The following GRM4 variants were observed in gnomAD, a reference collection of about 807,000 sequenced individuals.
GRM4 encodes metabotropic glutamate receptor 4.
A neutral mutation model predicts 81.7 loss-of-function variants in GRM4; 28 were observed. That is an observed-to-expected ratio of 0.34 (90% CI 0.25 to 0.47). The LOEUF is 0.47. GRM4 is among the 20% of genes least tolerant of loss of function. GRM4 has a pLI of 1.00. For synonymous variants in GRM4, 488 were observed against 528.8 expected (o/e 0.92, Z 1.06); for missense variants, 948 against 1,290.0 (o/e 0.73, Z 4.06).
intron 2 of GRM4, among the ~76,000 whole-genome samples, chr6:34,110,403 T>C (rs965646549): frequency 6.0e-5 from 9 of 150,806 alleles, no homozygotes; most frequent in South Asian, 2.1e-4. Flanking sequence ...CTGCCTCACT[T>C]ACCTCTGCAC....
intron 1 of GRM4, among the ~76,000 whole-genome samples, chr6:34,138,051 T>C (rs1446752966): frequency 6.6e-6 from 1 of 152,198 alleles, no homozygotes; most frequent in Non-Finnish European, 1.5e-5. Context: ...CCCCCAATTA[T>C]TTTTCATTGA....
intron 1 of GRM4, among the ~76,000 whole-genome samples, chr6:34,134,844 T>C (rs1770393091): frequency 6.6e-6 from 1 of 152,026 alleles, no homozygotes; most frequent in African/African-American, 2.4e-5. Flanking sequence ...TCTGCAAGAG[T>C]AGAGAAGAGA....
intron 2 of GRM4, among the ~76,000 whole-genome samples, chr6:34,127,911 A>C (rs1223642229): frequency 6.6e-6 from 1 of 152,172 alleles, no homozygotes; most frequent in East Asian, 1.9e-4. Flanking sequence ...TGTGGGATCT[A>C]AGACAGTGTT....
chr6:34,043,026 G>C (rs7772059), intron 6 of GRM4, among the ~76,000 whole-genome samples: 39,903 of 151,904 alleles, frequency 0.26, 6,212 homozygotes, highest in African/African-American at 0.43. Flanking sequence ...ACAACACTAG[G>C]GACACCAGGA....
At position 34,059,387 on chromosome 6, in the gene GRM4, C is replaced by T; in HGVS notation, c.873-259G>A. On this transcript the variant is annotated intron_variant, in intron 4 of 10. Coordinates refer to ENST00000538487, the MANE Select transcript of GRM4 (RefSeq NM_000841.4). The surrounding 1 kb of genome is among the most constrained non-coding windows in gnomAD (Gnocchi z 5.7). ...CTGCTGCAGGCCCAGCGTGATTCTC[C>T]AGGCCTACATCTGTCCCTGCAAAGA... is the stretch of plus-strand genomic sequence containing the variant. 1.9e-6 allele frequency: 1 copy of T among 533,070 alleles called. No individual in the cohort carries two copies. The highest frequency in any genetic ancestry group is 3.2e-5 in the Admixed American group (1 of 31,348). The allele number at this position is 533,070 out of a possible 1,614,324, so 33.0% of individuals were successfully genotyped here.
chr6:34,022,948 C>T lies in GRM4; in HGVS notation c.2690-78G>A. 1.8e-6 allele frequency: 2 copies of T among 1,127,222 alleles called. No homozygotes were observed. The highest frequency in any genetic ancestry group is 2.7e-6 in the Non-Finnish European group (2 of 737,360). The allele number at this position is 1,127,222 out of a possible 1,614,324, so 69.8% of individuals were successfully genotyped here. ...ACTGTCCTTCCACATGGGCACAGCC[C>T]TGCACAAGAACCTACCATAGCTCCC... On this transcript the variant is annotated intron_variant, in intron 10 of 10. Coordinates refer to ENST00000538487, the MANE Select transcript of GRM4 (RefSeq NM_000841.4). This position sits in a 1 kb window ranked among gnomAD's most constrained non-coding sequence, Gnocchi z 5.6.
At chr6:34,071,149 C>T (rs1283227406) in intron 3 of GRM4, among the ~76,000 whole-genome samples, 1 of 151,926 alleles carries the variant, frequency 6.6e-6, no homozygotes, top group Non-Finnish European at 1.5e-5. Context: ...CAACCTCACA[C>T]ATATTTGCAT....
intron 3 of GRM4, among the ~76,000 whole-genome samples, chr6:34,073,237 G>GCACGTCA (rs1400233718): frequency 0.13 from 31 of 236 alleles, no homozygotes; most frequent in Non-Finnish European, 0.16. Flanking sequence ...CCAAATACAT[G>GCACGTCA]CCACACACAC....
intron 1 of GRM4, among the ~76,000 whole-genome samples, chr6:34,143,202 G>A (rs1224811921): frequency 6.6e-6 from 1 of 152,296 alleles, no homozygotes; most frequent in South Asian, 2.1e-4. Context: ...ACAGAAGTTG[G>A]AGGAACATAA....
chr6:34,143,374 C>T (rs867172375), intron 1 of GRM4, among the ~76,000 whole-genome samples: 9 of 152,230 alleles, frequency 5.9e-5, no homozygotes, highest in Middle Eastern at 3.4e-3. Flanking sequence ...GGGGACAAGG[C>T]TCCAACCTCC....
chr6:34,097,735 C>T (rs558900036), intron 2 of GRM4, among the ~76,000 whole-genome samples: 27 of 152,326 alleles, frequency 1.8e-4, no homozygotes, highest in African/African-American at 6.3e-4. Context: ...CATCTCAGTG[C>T]CCACCCGGAG....
At chr6:34,039,983 G>T (rs1329470407) in intron 8 of GRM4, among the ~76,000 whole-genome samples, 195 bp downstream of exon 8, 1 of 152,222 alleles carries the variant, frequency 6.6e-6, no homozygotes, top group Non-Finnish European at 1.5e-5. Context: ...AACTCCGACT[G>T]CCCTGTCTTC....
At chr6:34,061,625 G>A (rs1006255396) in intron 4 of GRM4, 5 of 393,610 alleles carry the variant, frequency 1.3e-5, no homozygotes, top group African/African-American at 2.0e-5. Flanking sequence ...CACGGCCTCA[G>A]CCCTCTGTTA....
intron 2 of GRM4, chr6:34,110,653 T>TC (rs1332579662): frequency 7.4e-7 from 1 of 1,348,644 alleles, no homozygotes; most frequent in Non-Finnish European, 1.0e-6. Context: ...CCCCTTCTCA[T>TC]CCCCACCTTA....
Position 34,116,362 on chromosome 6 carries a change from C to G in GRM4, c.519+16616G>C, listed in dbSNP as rs531091251. The stretch of plus-strand genomic sequence containing the variant: ...ACCTGTGTAAAACACCTAGCACACA[C>G]CAGGCACATAAATCCAACCATTCAT... On this transcript the variant is annotated intron_variant, in intron 2 of 10. Coordinates refer to ENST00000538487, the MANE Select transcript of GRM4 (RefSeq NM_000841.4). Among the ~76,000 whole-genome samples, 13 of 152,342 alleles carry G rather than the reference C, an allele frequency of 8.5e-5. No individual in the cohort carries two copies. The East Asian group carries it at 2.5e-3, about 29-fold the overall frequency.
chr6:34,138,941 A>C (rs1229720567), intron 1 of GRM4, among the ~76,000 whole-genome samples: 3 of 152,256 alleles, frequency 2.0e-5, no homozygotes, highest in Non-Finnish European at 4.4e-5. Context: ...AATGTGAGGC[A>C]TAGTTTCAGG....
chr6:34,049,375 C>T (rs943208152), intron 6 of GRM4, among the ~76,000 whole-genome samples: 3 of 152,114 alleles, frequency 2.0e-5, no homozygotes, highest in African/African-American at 4.8e-5. Context: ...TGCTGCCTCC[C>T]AGGCTGCCCC....
chr6:34,112,886 C>T (rs1769444070), intron 2 of GRM4, among the ~76,000 whole-genome samples: 2 of 152,206 alleles, frequency 1.3e-5, no homozygotes, highest in Admixed American at 6.5e-5. Context: ...TCTGCTTCCC[C>T]GAACTTCTCT....
intron 1 of GRM4, among the ~76,000 whole-genome samples, chr6:34,154,590 T>TACACACACACACACACACACACACAC (rs57603011): frequency 6.9e-6 from 1 of 144,998 alleles, no homozygotes; most frequent in African/African-American, 2.6e-5. Context: ...TGGTCCTGAC[T>TACACACACACACACACACACACACAC]ACACACACAC....
Sources: gnomAD v4.1 joint callset for allele counts (sites outside exome capture counted in the v4.1 genomes callset) on GRCh38, gnomAD v4.1.1 for gene constraint, Gnocchi (gnomAD v3.1) non-coding constraint, MANE v1.5 for transcripts, NCBI Gene and HGNC (gene_info 2026-07-23, HGNC 2026-07-21) for gene names.